UPF2: variants seen among roughly 807,000 people sequenced by gnomAD.
The protein encoded by UPF2 is UPF2 regulator of nonsense mediated mRNA decay.
UPF2 carries 17 observed loss-of-function variants against 141.4 expected under a neutral mutation model. The observed-to-expected ratio is 0.12, with a 90% CI of 0.08 to 0.18. The LOEUF is 0.18. UPF2 is among the 10% of genes least tolerant of loss of function. The pLI is 1.00. For missense variants in UPF2, 1,152 were observed against 1,515.9 expected (o/e 0.76, Z 3.99); for synonymous variants, 540 against 498.0 (o/e 1.08, Z -1.12).
intron 2 of UPF2, among the ~76,000 whole-genome samples, chr10:12,033,819 G>A (rs4750156): frequency 0.033 from 5,010 of 152,176 alleles, 155 homozygotes; most frequent in East Asian, 0.11. Flanking sequence ...AAAGGGCTGG[G>A]TTTACAGGCG....
Position 11,936,807 on chromosome 10 carries a change from A to G in UPF2, c.3379-95T>C. ...AAACTCATTCAATGCTGTATTTCTTAAAACACAACAATCATAAGAGCCATA... is the reference window on the plus strand; with the variant it reads ...AAACTCATTCAATGCTGTATTTCTTGAAACACAACAATCATAAGAGCCATA... On this transcript the variant is annotated intron_variant, in intron 18 of 21. Coordinates refer to ENST00000357604, the MANE Select transcript of UPF2 (RefSeq NM_015542.4). The surrounding 1 kb of genome is among the most constrained non-coding windows in gnomAD (Gnocchi z 6.6). 8.5e-7 allele frequency: 1 copy of G among 1,179,624 alleles called. No homozygotes were observed. Among genetic ancestry groups the G allele is most frequent in the South Asian group, 1.9e-5 (1 of 53,042 alleles). The allele number at this position is 1,179,624 out of a possible 1,614,324, so 73.1% of individuals were successfully genotyped here.
intron 9 of UPF2, among the ~76,000 whole-genome samples, chr10:11,973,559 G>A (rs1256513148): frequency 6.6e-6 from 1 of 152,120 alleles, no homozygotes; most frequent in African/African-American, 2.4e-5. Context: ...ATTAATTTTT[G>A]TATAAGGTGT....
chr10:11,947,976 G>A (rs867006721), intron 16 of UPF2, among the ~76,000 whole-genome samples: 6 of 151,676 alleles, frequency 4.0e-5, no homozygotes, highest in Non-Finnish European at 8.8e-5. Flanking sequence ...GGCCAGGTGC[G>A]GTGGCTCATG....
chr10:11,990,441 G>A (rs1012625366), intron 8 of UPF2, among the ~76,000 whole-genome samples: 6 of 152,116 alleles, frequency 3.9e-5, no homozygotes, highest in African/African-American at 1.4e-4. Context: ...CTTAAAAAGG[G>A]TTAGGAGGCC....
At chr10:11,987,776 A>G in intron 8 of UPF2, among the ~76,000 whole-genome samples, 1 of 135,820 alleles carries the variant, frequency 7.4e-6, no homozygotes, top group Non-Finnish European at 1.7e-5. Flanking sequence ...AAAAAAAAAA[A>G]AAAAAAAAAA....
At chr10:11,947,237 GT>G (rs1338795942) in intron 16 of UPF2, among the ~76,000 whole-genome samples, 2 of 152,126 alleles carry the variant, frequency 1.3e-5, no homozygotes, top group Non-Finnish European at 2.9e-5. Context: ...AAAACTGCTA[GT>G]TTTAATCACA....
intron 1 of UPF2, among the ~76,000 whole-genome samples, chr10:12,041,971 A>C (rs1834743070): frequency 6.6e-6 from 1 of 152,178 alleles, no homozygotes; most frequent in African/African-American, 2.4e-5. Flanking sequence ...CCTGGGGACC[A>C]AATATCCTGT....
chr10:11,987,602 A>G (rs1161381451), intron 8 of UPF2, among the ~76,000 whole-genome samples: 1 of 151,696 alleles, frequency 6.6e-6, no homozygotes, highest in Non-Finnish European at 1.5e-5. Flanking sequence ...TACTAAAAAA[A>G]TATATAAAAA....
intron 3 of UPF2, among the ~76,000 whole-genome samples, chr10:12,018,884 T>G (rs1663384327): frequency 6.6e-6 from 1 of 152,236 alleles, no homozygotes; most frequent in South Asian, 2.1e-4. Flanking sequence ...GGAAAAGGTT[T>G]TCAGTTTAAT....
rs1454879658 is a variant in UPF2, at chr10:11,920,039, T to C, written c.*1259A>G. ...GCCAAATCTAAATTACAACACTTTA[T>C]TGCAGCATCGGCAAAGGTCAGATTT... On this transcript the variant is annotated 3_prime_UTR_variant, in exon 22 of 22. Coordinates refer to ENST00000357604, the MANE Select transcript of UPF2 (RefSeq NM_015542.4). 1 of 152,248 alleles carries C rather than the reference T, an allele frequency of 6.6e-6. No individual in the cohort carries two copies. The highest frequency in any genetic ancestry group is 1.5e-5 in the Non-Finnish European group (1 of 68,056). 9.4% of individuals were successfully genotyped at this position (152,248 alleles called of 1,614,324 possible). A position where few individuals can be genotyped will look rare whatever the true frequency, so the allele number is the denominator to read the frequency against.
intron 3 of UPF2, among the ~76,000 whole-genome samples, chr10:12,020,853 T>C (rs937024018): frequency 1.2e-4 from 18 of 152,334 alleles, no homozygotes; most frequent in Admixed American, 3.9e-4. Flanking sequence ...CTCTGAAATA[T>C]TGGACTATGC....
intron 21 of UPF2, among the ~76,000 whole-genome samples, chr10:11,929,021 C>T (rs539271057): frequency 1.3e-5 from 2 of 151,748 alleles, no homozygotes; most frequent in Non-Finnish European, 2.9e-5. Flanking sequence ...CGGTGGCATG[C>T]CCTATTGTCC....
chr10:12,004,963 AC>A (rs1834011693), intron 4 of UPF2, among the ~76,000 whole-genome samples: 1 of 152,208 alleles, frequency 6.6e-6, no homozygotes, highest in African/African-American at 2.4e-5. Context: ...TTTTTCTCTT[AC>A]ATTTGTTTTA....
chr10:11,954,990 A>G (rs1588535114), intron 14 of UPF2, among the ~76,000 whole-genome samples: 1 of 152,080 alleles, frequency 6.6e-6, no homozygotes, highest in East Asian at 1.9e-4. Flanking sequence ...TATGAAAACA[A>G]CTCCCAAAAT....
At chr10:12,039,536 T>A (rs1834696365) in intron 1 of UPF2, among the ~76,000 whole-genome samples, 1 of 152,174 alleles carries the variant, frequency 6.6e-6, no homozygotes, top group Non-Finnish European at 1.5e-5. Context: ...CATTTTCTGA[T>A]GTGACGCATC....
At chr10:12,034,299 TG>T (rs2131314812) in intron 2 of UPF2, among the ~76,000 whole-genome samples, 1 of 152,110 alleles carries the variant, frequency 6.6e-6, no homozygotes, top group Non-Finnish European at 1.5e-5. Context: ...TATCATACCA[TG>T]AAAAAAAGTT....
In UPF2 at chr10:11,955,665, C is replaced by T. The variant is rs146320497; in HGVS notation, c.2575-158G>A. ...TAATAAACTGGTTACTTCTAGGTGT[C>T]CTTTTCTCTCTCTAGGAAATGGCTA... On this transcript the variant is annotated intron_variant, in intron 13 of 21. Coordinates refer to ENST00000357604, the MANE Select transcript of UPF2 (RefSeq NM_015542.4). Among the ~76,000 whole-genome samples, 538 of 152,216 alleles carry T rather than the reference C, an allele frequency of 3.5e-3. 1 individual carries two copies. The highest frequency in any genetic ancestry group is 0.01 in the South Asian group (49 of 4,824).
chr10:11,927,418 C>T (rs985363118), intron 21 of UPF2, among the ~76,000 whole-genome samples: 2 of 152,148 alleles, frequency 1.3e-5, no homozygotes, highest in African/African-American at 2.4e-5. Flanking sequence ...AACCGCATTA[C>T]TTTTTACCAA....
At chr10:11,999,336 A>C (rs1385058140) in intron 7 of UPF2, among the ~76,000 whole-genome samples, 1 of 152,020 alleles carries the variant, frequency 6.6e-6, no homozygotes, top group African/African-American at 2.4e-5. Context: ...ATATGATGAA[A>C]CCATGTCTCT....
Sources: gnomAD v4.1 joint callset for allele counts (sites outside exome capture counted in the v4.1 genomes callset) on GRCh38, gnomAD v4.1.1 for gene constraint, Gnocchi (gnomAD v3.1) non-coding constraint, MANE v1.5 for transcripts, NCBI Gene and HGNC (gene_info 2026-07-23, HGNC 2026-07-21) for gene names.